The following FREM1 variants were observed in gnomAD, a reference collection of about 807,000 sequenced individuals.
FREM1 encodes FRAS1 related extracellular matrix 1.
A neutral mutation model predicts 210.1 loss-of-function variants in FREM1; 220 were observed. The observed-to-expected ratio is 1.05, with a 90% confidence interval of 0.94 to 1.17. The LOEUF (loss-of-function observed/expected upper bound fraction) is 1.17. FREM1 is among the 50% of genes most tolerant of loss of function. The probability of loss-of-function intolerance (pLI) is 0.00; values close to 1 mark genes in which losing one functional copy is unlikely to be tolerated. For missense variants in FREM1, 3,454 were observed against 2,675.5 expected, an observed-to-expected ratio of 1.29 and a Z score of -6.42; for synonymous variants, 1,189 against 980.2, an observed-to-expected ratio of 1.21 and a Z score of -3.98.
At chr9:14,882,930 G>GAAAAAAAAAAAAAAAACAAAACC (rs1835070082) in intron 1 of FREM1, among the ~76,000 whole-genome samples, 1 of 17,172 alleles carries the variant, frequency 5.8e-5, no homozygotes. Flanking sequence ...AAAAAAAAAG[G>GAAAAAAAAAAAAAAAACAAAACC]AATCACCCAT....
chr9:14,867,058 C>T (rs1314432159), intron 2 of FREM1, among the ~76,000 whole-genome samples: 1 of 152,110 alleles, frequency 6.6e-6, no homozygotes, highest in Admixed American at 6.5e-5. Flanking sequence ...TGGAGTTTCA[C>T]CATGTTGACC....
At chr9:14,780,956 AG>A (rs1264089097) in intron 24 of FREM1, among the ~76,000 whole-genome samples, 1 of 152,338 alleles carries the variant, frequency 6.6e-6, no homozygotes, top group East Asian at 1.9e-4. Flanking sequence ...GGCAGACGCT[AG>A]GCTCTTCCAT....
chr9:14,902,419 A>G (rs1272444246), intron 1 of FREM1, among the ~76,000 whole-genome samples: 1 of 152,218 alleles, frequency 6.6e-6, no homozygotes, highest in African/African-American at 2.4e-5. Flanking sequence ...TTTTCCCATC[A>G]GTGAATCCCA....
chr9:14,799,194 G>C (rs1853047641), intron 20 of FREM1, among the ~76,000 whole-genome samples: 1 of 151,830 alleles, frequency 6.6e-6, no homozygotes, highest in South Asian at 2.1e-4. Flanking sequence ...GCTGAGGTCA[G>C]AGGATCACTT....
At position 14,883,851 on chromosome 9, in the gene FREM1, G is replaced by A. The variant is rs182783375; in HGVS notation, c.-267-14607C>T. ...TGATTGCTAGTATGGGCACCCTCAG[G>A]GTCGGCAGAATTATTGGGGGCAGCT... On this transcript the variant is annotated intron_variant, in intron 1 of 36. Transcript: ENST00000380880. 8.5e-5 allele frequency among the ~76,000 whole-genome samples: 13 copies of A among 152,282 alleles called. No homozygotes were observed. The East Asian group carries it at 1.9e-3, about 23-fold the overall frequency.
At chr9:14,808,283 A>G (rs563289684) in intron 16 of FREM1, 149 bp from the exon 17 acceptor site, 1 of 552,650 alleles carries the variant, frequency 1.8e-6, no homozygotes, top group African/African-American at 1.9e-5. Context: ...TTTTATCACT[A>G]TGAAATTAAA....
chr9:14,801,160 G>C (rs1190527249), intron 20 of FREM1, among the ~76,000 whole-genome samples: 2 of 152,012 alleles, frequency 1.3e-5, no homozygotes, highest in Admixed American at 6.6e-5. Context: ...ATCACACTCG[G>C]CTAATTTTTG....
At chr9:14,862,418 C>T (rs1193344485) in intron 3 of FREM1, among the ~76,000 whole-genome samples, 1 of 152,162 alleles carries the variant, frequency 6.6e-6, no homozygotes, top group Non-Finnish European at 1.5e-5. Flanking sequence ...CCTATAAAGG[C>T]CTACTCCACA....
At chr9:14,821,796 C>A (rs547865880) in intron 13 of FREM1, among the ~76,000 whole-genome samples, 2 of 152,098 alleles carry the variant, frequency 1.3e-5, no homozygotes, top group East Asian at 1.9e-4. Context: ...GTAGGGTGTG[C>A]GGGTTAAATT....
Position 14,860,834 on chromosome 9 carries a change from CGTATATAT to C in FREM1, c.330-1358_330-1351del, listed in dbSNP as rs1829976331. ...ATATATACACATATATACATATATACGTATATATACATATATACGTATATATACACATA... is the reference window on the plus strand; with the variant it reads ...ATATATACACATATATACATATATACACATATATACGTATATATACACATA... On this transcript the variant is annotated intron_variant, in intron 3 of 36. Coordinates refer to ENST00000380880, the MANE Select transcript of FREM1 (RefSeq NM_001379081.2). Among the ~76,000 whole-genome samples, 7 of 115,082 alleles carry C rather than the reference CGTATATAT, an allele frequency of 6.1e-5. 1 individual carries two copies. Among genetic ancestry groups the C allele is most frequent in the African/African-American group, 2.7e-4 (7 of 26,034 alleles). The allele number at this position is 115,082 out of a possible 152,430, so 75.5% of individuals were successfully genotyped here.
chr9:14,872,879 G>A (rs1832941617), intron 1 of FREM1, among the ~76,000 whole-genome samples: 2 of 151,954 alleles, frequency 1.3e-5, no homozygotes, highest in South Asian at 4.2e-4. Context: ...TTAGCATGAA[G>A]GGCTGTTGAA....
At chr9:14,739,808 T>A (rs1394914626) in intron 36 of FREM1, among the ~76,000 whole-genome samples, 4 of 151,966 alleles carry the variant, frequency 2.6e-5, no homozygotes, top group Admixed American at 2.6e-4. Flanking sequence ...AAATCTTACA[T>A]ATTCCTTCAT....
At chr9:14,828,610 T>C (rs1436011023) in intron 10 of FREM1, among the ~76,000 whole-genome samples, 1 of 140,494 alleles carries the variant, frequency 7.1e-6, no homozygotes, top group African/African-American at 2.8e-5. Context: ...TTAGTATATT[T>C]TGTATGGGAG....
chr9:14,889,481 T>C (rs1289192247), intron 1 of FREM1, among the ~76,000 whole-genome samples: 2 of 152,046 alleles, frequency 1.3e-5, no homozygotes, highest in East Asian at 3.9e-4. Flanking sequence ...GGAAGACCCA[T>C]GGTCGTTAAA....
chr9:14,873,615 C>A (rs1833139079), intron 1 of FREM1, among the ~76,000 whole-genome samples: 2 of 152,088 alleles, frequency 1.3e-5, no homozygotes, highest in South Asian at 4.1e-4. Flanking sequence ...TTCAAAAAAA[C>A]CAGATCCTGG....
At chr9:14,853,395 C>T (rs867680404) in intron 5 of FREM1, among the ~76,000 whole-genome samples, 1 of 152,130 alleles carries the variant, frequency 6.6e-6, no homozygotes, top group Non-Finnish European at 1.5e-5. Context: ...AGAATCAAAT[C>T]CTAGGAGCTG....
At chr9:14,779,606 G>A in intron 24 of FREM1, 1 of 332,456 alleles carries the variant, frequency 3.0e-6, no homozygotes, top group Non-Finnish European at 4.3e-6. Flanking sequence ...TGCGTGCATG[G>A]CCTCTGTGAG....
rs7037987 is a variant in FREM1, at chr9:14,884,425, T to C, written c.-267-15181A>G. 5.5e-3 allele frequency among the ~76,000 whole-genome samples: 840 copies of C among 152,228 alleles called. 8 individuals carry two copies. Among genetic ancestry groups the C allele is most frequent in the African/African-American group, 0.019 (783 of 41,516 alleles). The stretch of plus-strand genomic sequence containing the variant: ...ATGTATTCTAAGTACAGTATATCTG[T>C]ATAAGCCAATAAACGCCAATAAAGC... On this transcript the variant is annotated intron_variant, in intron 1 of 36. Coordinates refer to ENST00000380880, the MANE Select transcript of FREM1 (RefSeq NM_001379081.2).
At chr9:14,761,399 T>G (rs1845469085) in intron 27 of FREM1, among the ~76,000 whole-genome samples, 2 of 152,194 alleles carry the variant, frequency 1.3e-5, no homozygotes. Context: ...ATTTATTGTT[T>G]GAGTTTATTG....
Sources: gnomAD v4.1 joint callset for allele counts (sites outside exome capture counted in the v4.1 genomes callset) on GRCh38, gnomAD v4.1.1 for gene constraint, MANE v1.5 for transcripts, NCBI Gene and HGNC (gene_info 2026-07-23, HGNC 2026-07-21) for gene names.